The following UBXN2B variants were observed in gnomAD, a reference collection of about 807,000 sequenced individuals.
The protein encoded by UBXN2B is UBX domain protein 2B, also known as UBX domain-containing protein 2B.
In UBXN2B, 19 loss-of-function variants were observed where a neutral mutation model predicts 37.5. The ratio of observed to expected loss-of-function variants is 0.51; its 90% confidence interval spans 0.35 to 0.74. The LOEUF is 0.74. Among genes scored for constraint, UBXN2B ranks in the 30% least tolerant of loss-of-function variants. The pLI, the probability that UBXN2B is intolerant of heterozygous loss-of-function variation, is 0.01. For synonymous variants in UBXN2B, 145 were observed against 143.8 expected, an observed-to-expected ratio of 1.01 and a Z score of -0.06; for missense variants, 370 against 393.2, an observed-to-expected ratio of 0.94 and a Z score of 0.50.
chr8:58,411,734 A>G (rs1427857026), intron 1 of UBXN2B, among the ~76,000 whole-genome samples: 1 of 152,132 alleles, frequency 6.6e-6, no homozygotes, highest in Non-Finnish European at 1.5e-5. Context: ...TTAGAATGAC[A>G]TTTTGCGGGG....
chr8:58,412,202 A>G (rs957383928), intron 1 of UBXN2B, among the ~76,000 whole-genome samples: 3 of 152,242 alleles, frequency 2.0e-5, no homozygotes, highest in South Asian at 2.1e-4. Flanking sequence ...GTAAGGAGAT[A>G]CTAAGGAGAA....
chr8:58,447,333 T>C, intron 7 of UBXN2B, 56 bp from the exon 8 acceptor site: 2 of 1,465,686 alleles, frequency 1.4e-6, no homozygotes, highest in Non-Finnish European at 1.8e-6. Flanking sequence ...CAGTTTTAAG[T>C]TTACATGAAA....
chr8:58,429,866 G>C (rs1808200190), intron 2 of UBXN2B, among the ~76,000 whole-genome samples: 1 of 152,172 alleles, frequency 6.6e-6, no homozygotes, highest in South Asian at 2.1e-4. Flanking sequence ...AATCTTGAAA[G>C]ATAAAAGTAG....
intron 1 of UBXN2B, among the ~76,000 whole-genome samples, chr8:58,412,485 C>G (rs191817394): frequency 2.0e-5 from 3 of 152,274 alleles, no homozygotes; most frequent in Admixed American, 2.0e-4. Context: ...CCAAAATAAG[C>G]AGTGCATAAA....
intron 1 of UBXN2B, among the ~76,000 whole-genome samples, chr8:58,416,103 A>G (rs1807776109): frequency 6.6e-6 from 1 of 151,542 alleles, no homozygotes; most frequent in Admixed American, 6.6e-5. Flanking sequence ...CATGCCAATT[A>G]TAATTGAATA....
At chr8:58,417,810 G>A (rs1807823421) in intron 2 of UBXN2B, among the ~76,000 whole-genome samples, 1 of 152,144 alleles carries the variant, frequency 6.6e-6, no homozygotes, top group Admixed American at 6.5e-5. Flanking sequence ...GTGCACGCAT[G>A]TATTCTCTCT....
chr8:58,425,652 G>T (rs1331956407), intron 2 of UBXN2B: 5 of 1,138,336 alleles, frequency 4.4e-6, no homozygotes, highest in African/African-American at 3.1e-5. Context: ...TGACTTTATT[G>T]TGGTCTCAGC....
chr8:58,444,885 C>T (rs943677478), intron 6 of UBXN2B, among the ~76,000 whole-genome samples: 4 of 152,144 alleles, frequency 2.6e-5, no homozygotes, highest in African/African-American at 9.7e-5. Context: ...ACTGTGTACT[C>T]TGAGAGAGAA....
rs1808747752 is a variant in UBXN2B, at chr8:58,449,065, C to G, written c.*1514C>G. ...CTTAAAAACCAGTGCTGTTTCATCTCTATGACCCTTCTGTTACCACATCTC... is the reference window on the plus strand; with the variant it reads ...CTTAAAAACCAGTGCTGTTTCATCTGTATGACCCTTCTGTTACCACATCTC... On this transcript the variant is annotated 3_prime_UTR_variant, in exon 8 of 8. Transcript: ENST00000399598. 1 of 152,228 alleles carries G rather than the reference C, an allele frequency of 6.6e-6. No homozygotes were observed. Among genetic ancestry groups the G allele is most frequent in the African/African-American group, 2.4e-5 (1 of 41,440 alleles). The allele number at this position is 152,228 out of a possible 1,614,324, so 9.4% of individuals were successfully genotyped here. A position where few individuals can be genotyped will look rare whatever the true frequency, so the allele number is the denominator to read the frequency against.
At chr8:58,431,394 C>T (rs919865911) in intron 3 of UBXN2B, among the ~76,000 whole-genome samples, 4 of 152,186 alleles carry the variant, frequency 2.6e-5, no homozygotes, top group African/African-American at 7.2e-5. Flanking sequence ...AGAGTTATTG[C>T]TTGTATCACA....
At chr8:58,418,281 G>C (rs1807837920) in intron 2 of UBXN2B, among the ~76,000 whole-genome samples, 1 of 149,646 alleles carries the variant, frequency 6.7e-6, no homozygotes. Context: ...TAGTAATTCT[G>C]TGATGCCATT....
chr8:58,433,347 C>A, intron 4 of UBXN2B, 104 bp downstream of exon 4: 1 of 906,768 alleles, frequency 1.1e-6, no homozygotes, highest in Non-Finnish European at 1.6e-6. Flanking sequence ...ATTTTTGTTA[C>A]TTTTTAAAAC....
At chr8:58,419,942 T>G (rs535592400) in intron 2 of UBXN2B, among the ~76,000 whole-genome samples, 2 of 152,320 alleles carry the variant, frequency 1.3e-5, no homozygotes, top group East Asian at 3.9e-4. Flanking sequence ...AATTCTTAAT[T>G]GGTTTTGAAC....
chr8:58,419,083 G>A lies in UBXN2B; in HGVS notation c.188+2130G>A, dbSNP rs563754781. Among the ~76,000 whole-genome samples the A allele has an allele frequency of 1.3e-4, 20 of 152,278 alleles. No homozygotes were observed. The East Asian group carries it at 3.7e-3, about 28-fold the overall frequency. On this transcript the variant is annotated intron_variant, in intron 2 of 7. Transcript: ENST00000399598. ...CAGTAATCCAGTTTGTAAGGATTTT[G>A]TGCCTCACATTTGATTTCTAGAATA...
chr8:58,418,807 CTTCT>C (rs2129603735), intron 2 of UBXN2B, among the ~76,000 whole-genome samples: 1 of 152,190 alleles, frequency 6.6e-6, no homozygotes, highest in South Asian at 2.1e-4. Flanking sequence ...TTTTTAGCTG[CTTCT>C]TTAATTTGTA....
At chr8:58,434,571 A>G in intron 5 of UBXN2B, 67 bp downstream of exon 5, 7 of 1,166,120 alleles carry the variant, frequency 6.0e-6, no homozygotes, top group Non-Finnish European at 7.1e-6. Context: ...CAGACTACTC[A>G]TTATTAGTGC....
rs899921204 is a variant in UBXN2B at position 58,451,272 on chromosome 8, C to T, written c.*3721C>T. ...TTACATTAGGAGAGAATTAAACATC[C>T]AGGAGGGATGAACAGTATTTCATGT... On this transcript the variant is annotated 3_prime_UTR_variant, in exon 8 of 8. Coordinates refer to ENST00000399598, the MANE Select transcript of UBXN2B (RefSeq NM_001077619.2). 1.3e-5 allele frequency: 2 copies of T among 152,082 alleles called. No homozygotes were observed. The highest frequency in any genetic ancestry group is 4.8e-5 in the African/African-American group (2 of 41,400). 9.4% of individuals were successfully genotyped at this position (152,082 alleles called of 1,614,324 possible).
chr8:58,436,779 T>A (rs1808422647), intron 5 of UBXN2B, among the ~76,000 whole-genome samples: 1 of 152,194 alleles, frequency 6.6e-6, no homozygotes, highest in Non-Finnish European at 1.5e-5. Context: ...CAGGTCCCCC[T>A]TTGCCTTCTA....
intron 2 of UBXN2B, among the ~76,000 whole-genome samples, chr8:58,417,406 G>A (rs1807813501): frequency 6.6e-6 from 1 of 152,148 alleles, no homozygotes; most frequent in African/African-American, 2.4e-5. Flanking sequence ...GCCTCTGCAG[G>A]TCTTTTGTCC....
Sources: allele counts gnomAD v4.1 joint callset (sites outside exome capture counted in the v4.1 genomes callset), GRCh38; gene constraint gnomAD v4.1.1; transcripts MANE v1.5; gene names NCBI Gene and HGNC (gene_info 2026-07-23, HGNC 2026-07-21).